Variants in SYT14 observed in about 807,000 individuals in gnomAD.
SYT14 encodes synaptotagmin 14.
SYT14 carries 32 observed loss-of-function variants against 74.2 expected under a neutral mutation model. The ratio of observed to expected loss-of-function variants is 0.43; its 90% CI spans 0.33 to 0.58. The LOEUF (loss-of-function observed/expected upper bound fraction) is 0.58, where lower values mean the gene tolerates loss of function less well. Among genes scored for constraint, SYT14 ranks in the 20% least tolerant of loss-of-function variants. The probability of loss-of-function intolerance (pLI) is 0.05; values close to 1 mark genes in which losing one functional copy is unlikely to be tolerated. For synonymous variants in SYT14, 298 were observed against 337.7 expected (o/e 0.88, Z 1.29); for missense variants, 791 against 981.8 (o/e 0.81, Z 2.60).
intron 1 of SYT14, among the ~76,000 whole-genome samples, chr1:209,951,378 A>G (rs989357898): frequency 2.6e-5 from 4 of 152,178 alleles, no homozygotes; most frequent in Non-Finnish European, 5.9e-5. Context: ...AAGTGAGATC[A>G]TGCAGTATCT....
At chr1:210,141,053 A>G (rs1402327156) in intron 7 of SYT14, among the ~76,000 whole-genome samples, 1 of 151,778 alleles carries the variant, frequency 6.6e-6, no homozygotes, top group East Asian at 1.9e-4. Context: ...CTGCAAAAAA[A>G]AAAAAAAAAA....
intron 2 of SYT14, among the ~76,000 whole-genome samples, chr1:209,959,382 A>G (rs1303156718): frequency 2.0e-5 from 3 of 152,080 alleles, no homozygotes; most frequent in Admixed American, 2.0e-4. Flanking sequence ...GAGCTCAGGC[A>G]ATCTGCCCGC....
chr1:210,092,475 T>C (rs2081892588), intron 5 of SYT14, among the ~76,000 whole-genome samples: 1 of 152,196 alleles, frequency 6.6e-6, no homozygotes, highest in Non-Finnish European at 1.5e-5. Context: ...ATCAGAATGC[T>C]GCTTAGGAGA....
At chr1:210,047,415 T>G (rs2080906192) in intron 5 of SYT14, among the ~76,000 whole-genome samples, 1 of 152,212 alleles carries the variant, frequency 6.6e-6, no homozygotes, top group South Asian at 2.1e-4. Flanking sequence ...ATTTTATTTT[T>G]GAGATGGAGT....
chr1:210,148,825 A>G (rs2083097974), intron 7 of SYT14, among the ~76,000 whole-genome samples: 1 of 152,186 alleles, frequency 6.6e-6, no homozygotes, highest in African/African-American at 2.4e-5. Flanking sequence ...TGAAAAGGAA[A>G]GGTACCTAAC....
rs138906682 is a variant in SYT14, at chr1:210,048,532, A to G, written c.1312+27278A>G. Reference sequence around the variant, plus strand: ...GAGACTCAGTCACTATCACAAGAACAGCGCAGGAAAGATGCACCCCCATAA... The same window carrying G: ...GAGACTCAGTCACTATCACAAGAACGGCGCAGGAAAGATGCACCCCCATAA... On this transcript the variant is annotated intron_variant, in intron 5 of 9. Transcript: ENST00000637265. 7.8e-3 allele frequency among the ~76,000 whole-genome samples: 1,193 copies of G among 152,258 alleles called. 21 individuals carry two copies. Among genetic ancestry groups the G allele is most frequent in the African/African-American group, 0.027 (1,140 of 41,546 alleles).
chr1:210,121,947 A>C (rs955890536), intron 7 of SYT14, among the ~76,000 whole-genome samples: 1 of 151,516 alleles, frequency 6.6e-6, no homozygotes, highest in Non-Finnish European at 1.5e-5. Flanking sequence ...AAACCAGGCT[A>C]TTCTGAAGTA....
intron 7 of SYT14, among the ~76,000 whole-genome samples, chr1:210,142,979 A>C (rs2082949402): frequency 6.6e-6 from 1 of 152,224 alleles, no homozygotes; most frequent in African/African-American, 2.4e-5. Flanking sequence ...GACTTTCAGT[A>C]GATCAATTAC....
chr1:209,979,440 T>G (rs2079439609), intron 2 of SYT14, among the ~76,000 whole-genome samples: 1 of 144,234 alleles, frequency 6.9e-6, no homozygotes, highest in South Asian at 2.1e-4. Flanking sequence ...CAAATGGGTC[T>G]TTTTTTTTTC....
chr1:209,951,816 G>A (rs971516814), intron 1 of SYT14, among the ~76,000 whole-genome samples: 2 of 152,168 alleles, frequency 1.3e-5, no homozygotes, highest in Non-Finnish European at 2.9e-5. Flanking sequence ...AAAGGAATGA[G>A]CCACAACTAC....
chr1:209,985,229 T>TCC (rs2079550591), intron 2 of SYT14, among the ~76,000 whole-genome samples: 1 of 152,206 alleles, frequency 6.6e-6, no homozygotes, highest in Non-Finnish European at 1.5e-5. Context: ...AATTATTTAC[T>TCC]CCCAAGATAC....
chr1:210,064,109 A>G (rs1254695752), intron 5 of SYT14, among the ~76,000 whole-genome samples: 1 of 151,974 alleles, frequency 6.6e-6, no homozygotes, highest in African/African-American at 2.4e-5. Context: ...GCAGCATACA[A>G]TTTATCTTGT....
exon 10 of SYT14, chr1:210,169,221 G>GTTTTTTTTTTTTTTTTTTTTTTTTTTT (rs35974726): frequency 1.0e-4 from 5 of 50,240 alleles, no homozygotes; most frequent in Non-Finnish European, 1.9e-4. Context: ...TGTTTTTGGT[G>GTTTTTTTTTTTTTTTTTTTTTTTTTTT]TTTTTTTTTT....
chr1:210,060,075 A>G (rs1421548457), intron 5 of SYT14, among the ~76,000 whole-genome samples: 1 of 152,134 alleles, frequency 6.6e-6, no homozygotes, highest in Non-Finnish European at 1.5e-5. Flanking sequence ...ATTATATGCA[A>G]CTTCATTTGT....
At chr1:209,962,616 A>C (rs954334988) in intron 2 of SYT14, among the ~76,000 whole-genome samples, 1 of 152,024 alleles carries the variant, frequency 6.6e-6, no homozygotes, top group Non-Finnish European at 1.5e-5. Flanking sequence ...TACCGCATTG[A>C]CTCATGCTTG....
chr1:210,157,234 G>T (rs2083286609), intron 8 of SYT14, among the ~76,000 whole-genome samples: 1 of 151,498 alleles, frequency 6.6e-6, no homozygotes, highest in African/African-American at 2.4e-5. Flanking sequence ...TTGATCCCAG[G>T]ATTTCAAGAC....
intron 7 of SYT14, among the ~76,000 whole-genome samples, chr1:210,149,370 AGGCAGTGTTTCACCATGTT>A (rs2083112980): frequency 6.6e-6 from 1 of 151,752 alleles, no homozygotes; most frequent in Non-Finnish European, 1.5e-5. Flanking sequence ...TTTTTAGTAG[AGGCAGTGTTTCACCATGTT>A]GGCCAGGCTG....
intron 7 of SYT14, among the ~76,000 whole-genome samples, chr1:210,139,225 T>G (rs1348478362): frequency 1.3e-5 from 2 of 150,520 alleles, no homozygotes; most frequent in Non-Finnish European, 3.0e-5. Context: ...TAACTGGGAC[T>G]ACATGCGTGT....
intron 7 of SYT14, among the ~76,000 whole-genome samples, chr1:210,141,254 G>GT (rs2082909241): frequency 6.6e-6 from 1 of 152,004 alleles, no homozygotes; most frequent in African/African-American, 2.4e-5. Context: ...TTACAGTTTT[G>GT]TTAAATACAT....
Sources: gnomAD v4.1 joint callset for allele counts (sites outside exome capture counted in the v4.1 genomes callset) on GRCh38, gnomAD v4.1.1 for gene constraint, MANE v1.5 for transcripts, NCBI Gene and HGNC (gene_info 2026-07-23, HGNC 2026-07-21) for gene names.